The following CSMD1 variants were observed in gnomAD, a reference collection of about 807,000 sequenced individuals.
CSMD1 encodes CUB and Sushi multiple domains 1.
CSMD1 carries 213 observed loss-of-function variants against 417.5 expected under a neutral mutation model. The observed-to-expected ratio is 0.51, with a 90% CI of 0.46 to 0.57. The LOEUF is 0.57. Ranked by LOEUF, CSMD1 falls within the 20% of genes least tolerant of loss-of-function variation. The probability of loss-of-function intolerance (pLI) is 0.00; values close to 1 mark genes in which losing one functional copy is unlikely to be tolerated. For missense variants in CSMD1, 6,923 were observed against 4,529.7 expected, an observed-to-expected ratio of 1.53 and a Z score of -15.17; for synonymous variants, 2,862 against 1,736.8, an observed-to-expected ratio of 1.65 and a Z score of -16.11.
chr8:3,908,804 A>G (rs1808274095), intron 5 of CSMD1, among the ~76,000 whole-genome samples: 1 of 152,192 alleles, frequency 6.6e-6, no homozygotes, highest in Admixed American at 6.5e-5. Flanking sequence ...CTTAGCTATT[A>G]TTTGAAACAG....
In CSMD1 at chr8:4,613,347, T is replaced by C. The variant is rs565195708; in HGVS notation, c.302+23995A>G. On this transcript the variant is annotated intron_variant, in intron 2 of 69. Transcript: ENST00000635120. ...GCAGGTGGCCATGTCTACAGGGTTG[T>C]CATTCTCACCTCCACACTGGCACAC... Among the ~76,000 whole-genome samples the C allele has an allele frequency of 1.6e-4, 24 of 152,306 alleles. 1 individual carries two copies. In the South Asian group the frequency reaches 5.0e-3, roughly 32 times the overall value.
chr8:4,134,925 C>A (rs1036081436), intron 3 of CSMD1, among the ~76,000 whole-genome samples: 1 of 152,120 alleles, frequency 6.6e-6, no homozygotes, highest in Admixed American at 6.5e-5. Context: ...TTGCTAAACT[C>A]TTCATCTCAT....
chr8:4,395,416 T>C (rs1027230287), intron 3 of CSMD1, among the ~76,000 whole-genome samples: 5 of 150,922 alleles, frequency 3.3e-5, no homozygotes, highest in Admixed American at 3.3e-4. Context: ...CGCTAAAGAA[T>C]CATAAAAAAA....
intron 10 of CSMD1, among the ~76,000 whole-genome samples, chr8:3,569,683 G>A (rs926318115): frequency 7.2e-5 from 11 of 151,980 alleles, no homozygotes; most frequent in African/African-American, 2.2e-4. Flanking sequence ...TTTCATCAAC[G>A]TGCACTTAAT....
intron 25 of CSMD1, among the ~76,000 whole-genome samples, chr8:3,296,381 T>G (rs751254594): frequency 1.3e-5 from 2 of 151,920 alleles, no homozygotes; most frequent in African/African-American, 4.8e-5. Context: ...AAGGAAGAGC[T>G]GAGAGCAGAG....
chr8:3,032,460 T>C (rs528634600), intron 50 of CSMD1, among the ~76,000 whole-genome samples: 2 of 152,160 alleles, frequency 1.3e-5, no homozygotes, highest in African/African-American at 4.8e-5. Context: ...CCTGATTTGC[T>C]GTGGTCAATA....
chr8:3,072,413 T>G (rs1225420266), intron 49 of CSMD1, among the ~76,000 whole-genome samples: 1 of 152,228 alleles, frequency 6.6e-6, no homozygotes, highest in African/African-American at 2.4e-5. Flanking sequence ...CTTCAGAATT[T>G]TTTTAAACCA....
chr8:4,126,223 T>C (rs1293710860), intron 3 of CSMD1, among the ~76,000 whole-genome samples: 1 of 152,110 alleles, frequency 6.6e-6, no homozygotes, highest in Non-Finnish European at 1.5e-5. Context: ...GGGAGACTGA[T>C]TTGAGTAATA....
chr8:4,205,992 TTTTC>T (rs1343549108), intron 3 of CSMD1, among the ~76,000 whole-genome samples: 17 of 152,136 alleles, frequency 1.1e-4, no homozygotes, highest in Non-Finnish European at 2.1e-4. Flanking sequence ...ACTTCAGGAA[TTTTC>T]TTTCTCTTTC....
At position 4,146,593 on chromosome 8, in the gene CSMD1, C is replaced by CTTTTTTTTTTTTTTTTTTTTTTTT. The variant is rs1208930261; in HGVS notation, c.416-114495_416-114494insAAAAAAAAAAAAAAAAAAAAAAAA. Among the ~76,000 whole-genome samples the CTTTTTTTTTTTTTTTTTTTTTTTT allele has an allele frequency of 2.1e-4, 19 of 90,740 alleles. 8 individuals are homozygous for CTTTTTTTTTTTTTTTTTTTTTTTT. The highest frequency in any genetic ancestry group is 1.6e-4 in the Non-Finnish European group (8 of 51,302). 59.5% of individuals were successfully genotyped at this position (90,740 alleles called of 152,430 possible). On this transcript the variant is annotated intron_variant, in intron 3 of 69. Transcript: ENST00000635120. The stretch of plus-strand genomic sequence containing the variant: ...ATCTGTCTAAATGTTTATATGGACA[C>CTTTTTTTTTTTTTTTTTTTTTTTT]ATTTTTTTTTTTTTTTTTTTTTTTT...
chr8:3,355,828 T>A (rs1281060639), intron 21 of CSMD1, among the ~76,000 whole-genome samples: 1 of 152,116 alleles, frequency 6.6e-6, no homozygotes, highest in East Asian at 1.9e-4. Context: ...TTTCTCTAAT[T>A]TGCAAGTGAA....
chr8:4,103,004 A>C (rs896237362), intron 3 of CSMD1, among the ~76,000 whole-genome samples: 3 of 152,120 alleles, frequency 2.0e-5, no homozygotes, highest in African/African-American at 7.2e-5. Context: ...TTGTATTCTA[A>C]ACTTTTTACT....
At chr8:3,948,627 C>G (rs1479489749) in intron 5 of CSMD1, among the ~76,000 whole-genome samples, 3 of 152,138 alleles carry the variant, frequency 2.0e-5, no homozygotes, top group Non-Finnish European at 4.4e-5. Context: ...ATACTTACTG[C>G]TTTCCATTAT....
chr8:3,016,636 T>C (rs1484506959), intron 52 of CSMD1, among the ~76,000 whole-genome samples: 1 of 152,236 alleles, frequency 6.6e-6, no homozygotes, highest in Non-Finnish European at 1.5e-5. Context: ...ATTTCTAATC[T>C]TTTTCTATTT....
intron 41 of CSMD1, among the ~76,000 whole-genome samples, chr8:3,124,870 A>C (rs944473222): frequency 2.9e-4 from 44 of 152,232 alleles, no homozygotes; most frequent in African/African-American, 1.1e-3. Context: ...GAATTATCTC[A>C]AGAATTTAAA....
intron 10 of CSMD1, among the ~76,000 whole-genome samples, chr8:3,497,281 T>C (rs1359948916): frequency 6.6e-6 from 1 of 152,234 alleles, no homozygotes; most frequent in Non-Finnish European, 1.5e-5. Context: ...TTGGAGTCTA[T>C]CTCTCCCATC....
At chr8:2,960,818 G>A (rs1336106342) in intron 62 of CSMD1, among the ~76,000 whole-genome samples, 5 of 151,630 alleles carry the variant, frequency 3.3e-5, no homozygotes, top group Non-Finnish European at 4.4e-5. Flanking sequence ...GAGAACTGCC[G>A]TGAGAATTTA....
At chr8:4,587,807 T>C (rs898194723) in intron 2 of CSMD1, among the ~76,000 whole-genome samples, 5 of 152,186 alleles carry the variant, frequency 3.3e-5, no homozygotes, top group Admixed American at 6.5e-5. Flanking sequence ...GGGTACCATT[T>C]TGTTAAAACA....
intron 5 of CSMD1, among the ~76,000 whole-genome samples, chr8:3,932,423 T>G (rs187136455): frequency 3.3e-5 from 5 of 150,524 alleles, no homozygotes; most frequent in Non-Finnish European, 5.9e-5. Flanking sequence ...ACATTTCTCA[T>G]GGTATTTCAC....
Sources: gnomAD v4.1 joint callset for allele counts (sites outside exome capture counted in the v4.1 genomes callset) on GRCh38, gnomAD v4.1.1 for gene constraint, MANE v1.5 for transcripts, NCBI Gene and HGNC (gene_info 2026-07-23, HGNC 2026-07-21) for gene names.